Variants in MACROD2 observed in about 807,000 individuals in gnomAD.
MACROD2 encodes the protein ADP-ribose glycohydrolase MACROD2.
In MACROD2, 36 loss-of-function variants were observed where a neutral mutation model predicts 70.4. That is an observed-to-expected ratio of 0.51 (90% CI 0.39 to 0.68). The LOEUF is 0.68. Ranked by LOEUF, MACROD2 falls within the 30% of genes least tolerant of loss-of-function variation. MACROD2 has a pLI of 0.00. For synonymous variants in MACROD2, 172 were observed against 178.8 expected (o/e 0.96, Z 0.30); for missense variants, 496 against 538.4 (o/e 0.92, Z 0.78).
chr20:14,139,008 T>C (rs2054836581), intron 3 of MACROD2, among the ~76,000 whole-genome samples: 1 of 152,122 alleles, frequency 6.6e-6, no homozygotes, highest in Non-Finnish European at 1.5e-5. Flanking sequence ...TAATAAGAAA[T>C]AAATTTTCCT....
intron 3 of MACROD2, among the ~76,000 whole-genome samples, chr20:14,369,339 C>G (rs2083302179): frequency 6.6e-6 from 1 of 152,172 alleles, no homozygotes; most frequent in African/African-American, 2.4e-5. Flanking sequence ...GAACCAAGGA[C>G]CAGGGTTGCC....
chr20:15,027,208 C>T (rs945795356), intron 5 of MACROD2, among the ~76,000 whole-genome samples: 2 of 152,148 alleles, frequency 1.3e-5, no homozygotes, highest in African/African-American at 4.8e-5. Flanking sequence ...AAATGTTTCT[C>T]AGGAAAAGGA....
chr20:15,107,344 A>T, intron 5 of MACROD2, among the ~76,000 whole-genome samples: 1 of 152,044 alleles, frequency 6.6e-6, no homozygotes, highest in East Asian at 1.9e-4. Context: ...AGCTGAGCTG[A>T]CACATAACCA....
At chr20:15,842,979 A>G (rs893767796) in intron 8 of MACROD2, among the ~76,000 whole-genome samples, 2 of 152,198 alleles carry the variant, frequency 1.3e-5, no homozygotes, top group African/African-American at 4.8e-5. Context: ...TATTTAGTAG[A>G]GTAGGCACCT....
intron 15 of MACROD2, among the ~76,000 whole-genome samples, chr20:16,004,088 T>C (rs1271632621): frequency 1.3e-5 from 2 of 152,150 alleles, no homozygotes; most frequent in Non-Finnish European, 2.9e-5. Context: ...CAACTGCCAC[T>C]GTGGGAGAAG....
At chr20:15,555,228 A>G (rs1466410632) in intron 8 of MACROD2, among the ~76,000 whole-genome samples, 3 of 152,118 alleles carry the variant, frequency 2.0e-5, no homozygotes, top group African/African-American at 7.2e-5. Context: ...AAGCCCTCCT[A>G]TTCTCTGATA....
intron 8 of MACROD2, among the ~76,000 whole-genome samples, chr20:15,833,189 C>G (rs1392254702): frequency 1.3e-5 from 2 of 152,280 alleles, no homozygotes; most frequent in East Asian, 1.9e-4. Context: ...TTCCAGCATT[C>G]ATCATTGTTA....
intron 5 of MACROD2, among the ~76,000 whole-genome samples, chr20:14,915,884 A>G (rs935673735): frequency 1.3e-5 from 2 of 152,146 alleles, no homozygotes; most frequent in African/African-American, 2.4e-5. Context: ...TGTGCATCTG[A>G]TGGAGGTTTG....
chr20:15,611,732 T>G (rs200742), intron 8 of MACROD2, among the ~76,000 whole-genome samples: 2 of 150,642 alleles, frequency 1.3e-5, no homozygotes, highest in Non-Finnish European at 2.9e-5. Context: ...TGTGGAAATA[T>G]GGCTCTGTAA....
intron 8 of MACROD2, among the ~76,000 whole-genome samples, chr20:15,691,254 T>A (rs761154784): frequency 6.6e-6 from 1 of 152,232 alleles, no homozygotes; most frequent in Non-Finnish European, 1.5e-5. Context: ...ACAAGCATCA[T>A]AGCCTTGATT....
intron 13 of MACROD2, among the ~76,000 whole-genome samples, chr20:15,970,327 T>A (rs955627430): frequency 6.6e-6 from 1 of 152,126 alleles, no homozygotes; most frequent in African/African-American, 2.4e-5. Context: ...ATGGTATAAA[T>A]CAATACTGAC....
intron 5 of MACROD2, among the ~76,000 whole-genome samples, chr20:15,153,701 G>C (rs1317211868): frequency 1.3e-5 from 2 of 151,976 alleles, no homozygotes; most frequent in East Asian, 3.9e-4. Flanking sequence ...TTAAAACAAA[G>C]AAAAATAATC....
chr20:14,567,460 T>G (rs1942147478), intron 4 of MACROD2, among the ~76,000 whole-genome samples: 1 of 152,062 alleles, frequency 6.6e-6, no homozygotes, highest in African/African-American at 2.4e-5. Flanking sequence ...CTATAGCTTA[T>G]TAAAGGTCAA....
chr20:14,512,224 G>C (rs1416865103), intron 4 of MACROD2, among the ~76,000 whole-genome samples: 4 of 152,156 alleles, frequency 2.6e-5, no homozygotes, highest in Non-Finnish European at 5.9e-5. Flanking sequence ...GGGGAAACTT[G>C]AGAGTGATTT....
intron 10 of MACROD2, among the ~76,000 whole-genome samples, chr20:15,900,498 C>T (rs577582142): frequency 6.6e-6 from 1 of 152,224 alleles, no homozygotes; most frequent in Non-Finnish European, 1.5e-5. Flanking sequence ...TACTGGTGCT[C>T]CCCATGCTTA....
chr20:15,756,231 G>C (rs2051345187), intron 8 of MACROD2, among the ~76,000 whole-genome samples: 1 of 152,198 alleles, frequency 6.6e-6, no homozygotes, highest in Admixed American at 6.5e-5. Flanking sequence ...TTGGTTGGCA[G>C]AGTGAAAACA....
intron 5 of MACROD2, among the ~76,000 whole-genome samples, chr20:15,069,568 C>CT (rs1053702783): frequency 3.9e-5 from 6 of 152,216 alleles, no homozygotes; most frequent in African/African-American, 1.4e-4. Flanking sequence ...CTCCACTTTC[C>CT]TTGCAGCCTC....
chr20:15,806,742 T>C (rs961426988), intron 8 of MACROD2, among the ~76,000 whole-genome samples: 1 of 152,212 alleles, frequency 6.6e-6, no homozygotes, highest in African/African-American at 2.4e-5. Context: ...CTTAAAATGA[T>C]GTAATTTTGT....
intron 6 of MACROD2, among the ~76,000 whole-genome samples, chr20:15,376,967 T>C (rs1246048252): frequency 6.6e-6 from 1 of 152,194 alleles, no homozygotes; most frequent in Non-Finnish European, 1.5e-5. Context: ...CTTGGCTCAC[T>C]GCAAGCTCCG....
Sources: allele counts gnomAD v4.1 joint callset (sites outside exome capture counted in the v4.1 genomes callset), GRCh38; gene constraint gnomAD v4.1.1; transcripts MANE v1.5; gene names NCBI Gene and HGNC (gene_info 2026-07-23, HGNC 2026-07-21).